The following ATP2B1 variants were observed in gnomAD, a reference collection of about 807,000 sequenced individuals.
ATP2B1 encodes the protein plasma membrane calcium-transporting ATPase 1.
In ATP2B1, 14 loss-of-function variants were observed where a neutral mutation model predicts 124.2. That is an observed-to-expected ratio of 0.11 (90% CI 0.07 to 0.18). The LOEUF is 0.18. Among genes scored for constraint, ATP2B1 ranks in the 10% least tolerant of loss-of-function variants. The pLI, the probability that ATP2B1 is intolerant of heterozygous loss-of-function variation, is 1.00. For synonymous variants in ATP2B1, 449 were observed against 492.4 expected (o/e 0.91, Z 1.17); for missense variants, 763 against 1,466.1 (o/e 0.52, Z 7.83).
chr12:89,635,729 T>C (rs1345521592), intron 3 of ATP2B1, among the ~76,000 whole-genome samples: 1 of 152,218 alleles, frequency 6.6e-6, no homozygotes, highest in South Asian at 2.1e-4. Context: ...GAAGTTAGTA[T>C]TACGTGAAAC....
intron 12 of ATP2B1, among the ~76,000 whole-genome samples, chr12:89,612,316 A>C (rs981906601): frequency 2.6e-5 from 4 of 152,124 alleles, no homozygotes; most frequent in Non-Finnish European, 5.9e-5. Flanking sequence ...TCACCTAGAA[A>C]ATCTTTTCCT....
At position 89,588,888 on chromosome 12, in the gene ATP2B1, A is replaced by G. The variant is rs1003956654; in HGVS notation, c.*2096T>C. ...TGTGGGCTCTCCAGTTGATAGGGTC[A>G]ATTTTTAGAGTTGAAAGGGTTCTTC... On this transcript the variant is annotated 3_prime_UTR_variant, in exon 21 of 21. Coordinates refer to ENST00000428670, the MANE Select transcript of ATP2B1 (RefSeq NM_001366521.1). The G allele has an allele frequency of 6.6e-6, 1 of 152,510 alleles. No homozygotes were observed. The highest frequency in any genetic ancestry group is 1.5e-5 in the Non-Finnish European group (1 of 67,992). The allele number at this position is 152,510 out of a possible 1,614,324, so 9.4% of individuals were successfully genotyped here.
chr12:89,707,640 G>A (rs1892637293), intron 1 of ATP2B1, among the ~76,000 whole-genome samples: 1 of 152,150 alleles, frequency 6.6e-6, no homozygotes, highest in Non-Finnish European at 1.5e-5. Flanking sequence ...CCAAGTACCT[G>A]CAGACCCCTT....
Position 89,670,529 on chromosome 12 carries a change from C to T in ATP2B1, c.-221-14422G>A, listed in dbSNP as rs184127214. ...CTGAGGTTTGGAGTATGAAAGATCCCGTCGTGCAAGTATTGAACAGAGTAT... is the reference window on the plus strand; with the variant it reads ...CTGAGGTTTGGAGTATGAAAGATCCTGTCGTGCAAGTATTGAACAGAGTAT... On this transcript the variant is annotated intron_variant, in intron 1 of 20. Transcript: ENST00000428670. Among the ~76,000 whole-genome samples, 40 of 151,862 alleles carry T rather than the reference C, an allele frequency of 2.6e-4. 1 individual carries two copies. The highest frequency in any genetic ancestry group is 5.6e-4 in the Non-Finnish European group (38 of 67,926).
At chr12:89,676,050 C>T (rs1010465668) in intron 1 of ATP2B1, among the ~76,000 whole-genome samples, 47 of 151,986 alleles carry the variant, frequency 3.1e-4, no homozygotes, top group African/African-American at 1.0e-3. Context: ...ATGTAAAACA[C>T]AAAATCCAAG....
chr12:89,686,002 C>T (rs1215028642), intron 1 of ATP2B1, among the ~76,000 whole-genome samples: 1 of 152,096 alleles, frequency 6.6e-6, no homozygotes, highest in Non-Finnish European at 1.5e-5. Context: ...AAATAAATTT[C>T]TGTTGTTTAA....
intron 2 of ATP2B1, among the ~76,000 whole-genome samples, chr12:89,645,746 G>A (rs1884350628): frequency 6.6e-6 from 1 of 152,188 alleles, no homozygotes; most frequent in Non-Finnish European, 1.5e-5. Context: ...GGGTCAAAAT[G>A]GAAAAAGTGG....
chr12:89,695,378 A>T (rs866426969), intron 1 of ATP2B1, among the ~76,000 whole-genome samples: 2 of 152,160 alleles, frequency 1.3e-5, no homozygotes, highest in Non-Finnish European at 2.9e-5. Context: ...AGCAGGTCAC[A>T]GTTGTTACGG....
chr12:89,681,385 T>G (rs1229847473), intron 1 of ATP2B1, among the ~76,000 whole-genome samples: 2 of 150,602 alleles, frequency 1.3e-5, no homozygotes, highest in African/African-American at 4.9e-5. Flanking sequence ...CCTATAAATT[T>G]TTTTTTTTTT....
intron 2 of ATP2B1, among the ~76,000 whole-genome samples, chr12:89,647,761 T>A (rs1308085008): frequency 6.6e-6 from 1 of 152,006 alleles, no homozygotes; most frequent in Non-Finnish European, 1.5e-5. Flanking sequence ...GGAGGTGGGG[T>A]CTAGTGGGGT....
intron 2 of ATP2B1, among the ~76,000 whole-genome samples, chr12:89,647,327 T>C (rs545073915): frequency 5.1e-4 from 77 of 152,188 alleles, no homozygotes; most frequent in Admixed American, 8.5e-4. Flanking sequence ...GACTCCATCA[T>C]TGTTTGGAGA....
intron 11 of ATP2B1, among the ~76,000 whole-genome samples, chr12:89,618,611 G>T (rs1034864745): frequency 6.6e-6 from 1 of 152,112 alleles, no homozygotes; most frequent in African/African-American, 2.4e-5. Context: ...TGCCACAAAA[G>T]CCCATCACTA....
intron 3 of ATP2B1, among the ~76,000 whole-genome samples, chr12:89,641,600 C>T (rs923759393): frequency 2.6e-5 from 4 of 152,008 alleles, no homozygotes; most frequent in African/African-American, 4.8e-5. Flanking sequence ...GGCATCATGT[C>T]GGCACTCAAA....
chr12:89,677,465 T>G (rs1274528322), intron 1 of ATP2B1, among the ~76,000 whole-genome samples: 1 of 152,088 alleles, frequency 6.6e-6, no homozygotes, highest in African/African-American at 2.4e-5. Context: ...TCACCACACT[T>G]TAAATGGAAG....
chr12:89,599,201 A>G lies in ATP2B1; in HGVS notation c.3267T>C (p.Asp1089=), dbSNP rs762771112. 6.2e-7 allele frequency: 1 copy of G among 1,614,102 alleles called. No individual in the cohort carries two copies. Among genetic ancestry groups the G allele is most frequent in the East Asian group, 2.2e-5 (1 of 44,872 alleles). The change falls in exon 20 of 21, where the codon GAT becomes GAC. Residue 1089 remains aspartate, a synonymous_variant. Transcript: ENST00000428670. ...TTTCAGCGTGATCAATCTCTTCAAC[A>G]TCCTCTGCTAATTCCTCCTCAGGTA... is the stretch of plus-strand genomic sequence containing the variant. ...EEIPEEELAE[D]VEEIDHAERE...
intron 13 of ATP2B1, chr12:89,610,710 G>A (rs1317591355): frequency 5.8e-6 from 3 of 513,438 alleles, no homozygotes; most frequent in African/African-American, 3.9e-5. Context: ...CCAGCAATCT[G>A]TGTTTTAATA....
intron 1 of ATP2B1, among the ~76,000 whole-genome samples, chr12:89,692,625 G>A (rs1388410714): frequency 1.3e-5 from 2 of 152,278 alleles, no homozygotes; most frequent in Admixed American, 6.5e-5. Context: ...TGTGGTATGA[G>A]AGCAATCTGC....
intron 1 of ATP2B1, among the ~76,000 whole-genome samples, chr12:89,682,527 G>A (rs563459572): frequency 6.6e-6 from 1 of 152,256 alleles, no homozygotes; most frequent in African/African-American, 2.4e-5. Flanking sequence ...GACTGAAATA[G>A]AAAGTCCAGA....
intron 3 of ATP2B1, among the ~76,000 whole-genome samples, chr12:89,638,177 T>A (rs913046834): frequency 1.3e-5 from 2 of 152,218 alleles, no homozygotes; most frequent in Non-Finnish European, 2.9e-5. Context: ...ATTTTAACAA[T>A]GTTTTCAGTA....
Sources: allele counts gnomAD v4.1 joint callset (sites outside exome capture counted in the v4.1 genomes callset), GRCh38; gene constraint gnomAD v4.1.1; transcripts MANE v1.5; gene names NCBI Gene and HGNC (gene_info 2026-07-23, HGNC 2026-07-21).